The following CLYBL variants were observed in gnomAD, a reference collection of about 807,000 sequenced individuals.
CLYBL encodes the protein citramalyl-CoA lyase, mitochondrial.
CLYBL carries 31 observed loss-of-function variants against 38.9 expected under a neutral mutation model. The ratio of observed to expected loss-of-function variants is 0.80; its 90% CI spans 0.60 to 1.08. CLYBL has a LOEUF of 1.08. CLYBL is among the 50% of genes least tolerant of loss of function. CLYBL has a pLI of 0.00. For missense variants in CLYBL, 434 were observed against 411.6 expected, an observed-to-expected ratio of 1.05 and a Z score of -0.47; for synonymous variants, 171 against 158.6, an observed-to-expected ratio of 1.08 and a Z score of -0.59.
At chr13:99,640,339 T>C (rs2047075666) in intron 1 of CLYBL, among the ~76,000 whole-genome samples, 1 of 152,238 alleles carries the variant, frequency 6.6e-6, no homozygotes, top group Non-Finnish European at 1.5e-5. Flanking sequence ...CGTAAAATAT[T>C]ATCTTTAATG....
intron 7 of CLYBL, chr13:99,877,505 G>A (rs1249131104): frequency 6.2e-6 from 2 of 324,840 alleles, no homozygotes; most frequent in Non-Finnish European, 1.2e-5. Context: ...AATTACATTA[G>A]AGACTTTCAG....
At chr13:99,746,825 A>G (rs960223280) in intron 1 of CLYBL, among the ~76,000 whole-genome samples, 2 of 152,242 alleles carry the variant, frequency 1.3e-5, no homozygotes, top group African/African-American at 4.8e-5. Flanking sequence ...CTCTTTGGGT[A>G]GAGTCCTGAG....
At chr13:99,724,051 C>G (rs1332303758) in intron 1 of CLYBL, among the ~76,000 whole-genome samples, 1 of 152,134 alleles carries the variant, frequency 6.6e-6, no homozygotes, top group Non-Finnish European at 1.5e-5. Flanking sequence ...CTTTTGTTGT[C>G]TTTGTTTTTT....
intron 1 of CLYBL, among the ~76,000 whole-genome samples, chr13:99,625,799 C>CTCCCAGGCTCTGAG (rs2046861245): frequency 6.6e-6 from 1 of 152,214 alleles, no homozygotes; most frequent in Admixed American, 6.5e-5. Flanking sequence ...GGAGTCATGC[C>CTCCCAGGCTCTGAG]TCCCAGGCTC....
rs1352280882 is a variant in CLYBL at position 99,869,005 on chromosome 13, G to C, written c.803-1933G>C. Among the ~76,000 whole-genome samples the C allele has an allele frequency of 1.3e-5, 2 of 152,182 alleles. No individual in the cohort carries two copies. Among genetic ancestry groups the C allele is most frequent in the East Asian group, 3.9e-4 (2 of 5,178 alleles). ...ATAAATTTTAATGTCTTCCAATTTTGCACCCTCTCAGTAACTTGTCAATAA... is the reference window on the plus strand; with the variant it reads ...ATAAATTTTAATGTCTTCCAATTTTCCACCCTCTCAGTAACTTGTCAATAA... On this transcript the variant is annotated intron_variant, in intron 6 of 8. Transcript: ENST00000339105. The surrounding 1 kb of genome is among the most constrained non-coding windows in gnomAD (Gnocchi z 4.3).
At chr13:99,837,218 C>A (rs2050960053) in intron 2 of CLYBL, among the ~76,000 whole-genome samples, 1 of 152,096 alleles carries the variant, frequency 6.6e-6, no homozygotes, top group African/African-American at 2.4e-5. Flanking sequence ...GAGGCCAAGA[C>A]AGGAGGATCG....
chr13:99,769,249 A>G (rs1222768019), intron 1 of CLYBL, among the ~76,000 whole-genome samples: 1 of 152,206 alleles, frequency 6.6e-6, no homozygotes, highest in Non-Finnish European at 1.5e-5. Context: ...TAAGAGCTGA[A>G]GTTGACCAAA....
chr13:99,771,248 A>G (rs961664192), intron 1 of CLYBL, among the ~76,000 whole-genome samples: 7 of 151,972 alleles, frequency 4.6e-5, no homozygotes, highest in Non-Finnish European at 8.8e-5. Flanking sequence ...AGATTTTGCT[A>G]TGTTGCCCAG....
chr13:99,843,047 T>G (rs2051122107), intron 2 of CLYBL, among the ~76,000 whole-genome samples: 1 of 152,162 alleles, frequency 6.6e-6, no homozygotes. Context: ...ATGAGGAAAC[T>G]GAGGCACAGT....
chr13:99,770,698 C>T (rs1031501688), intron 1 of CLYBL, among the ~76,000 whole-genome samples: 4 of 151,798 alleles, frequency 2.6e-5, no homozygotes, highest in African/African-American at 9.7e-5. Flanking sequence ...GCCACTGCGC[C>T]CGGCCGGGTT....
At chr13:99,720,607 C>G (rs1259917526) in intron 1 of CLYBL, among the ~76,000 whole-genome samples, 4 of 152,108 alleles carry the variant, frequency 2.6e-5, no homozygotes, top group African/African-American at 9.7e-5. Context: ...GTTTATTTTG[C>G]CCTTCCTCTT....
intron 1 of CLYBL, among the ~76,000 whole-genome samples, chr13:99,645,837 A>T (rs1282657030): frequency 2.0e-5 from 3 of 152,070 alleles, no homozygotes; most frequent in Non-Finnish European, 4.4e-5. Context: ...TTTTAACTTG[A>T]CATGATTCCA....
chr13:99,808,437 A>G (rs1478014851), intron 2 of CLYBL, among the ~76,000 whole-genome samples: 1 of 152,134 alleles, frequency 6.6e-6, no homozygotes, highest in Non-Finnish European at 1.5e-5. Flanking sequence ...GCTGGAGAAG[A>G]TATCTGGCCC....
intron 1 of CLYBL, among the ~76,000 whole-genome samples, chr13:99,649,685 C>A (rs188867957): frequency 6.6e-6 from 1 of 151,726 alleles, no homozygotes; most frequent in African/African-American, 2.4e-5. Flanking sequence ...GGCAACAGAG[C>A]GAAACCCCAT....
At chr13:99,640,761 G>A (rs186953233) in intron 1 of CLYBL, among the ~76,000 whole-genome samples, 1 of 152,338 alleles carries the variant, frequency 6.6e-6, no homozygotes. Flanking sequence ...ATAACTTCAT[G>A]GGCAGTGCCC....
intron 1 of CLYBL, among the ~76,000 whole-genome samples, chr13:99,655,561 G>C (rs964654266): frequency 6.6e-6 from 1 of 152,230 alleles, no homozygotes; most frequent in Non-Finnish European, 1.5e-5. Flanking sequence ...GGCGCTACTA[G>C]GGGGTGTGCT....
intron 8 of CLYBL, among the ~76,000 whole-genome samples, chr13:99,904,604 A>G (rs7318415): frequency 0.52 from 79,580 of 152,116 alleles, 22,568 homozygotes; most frequent in African/African-American, 0.74. Context: ...TGGCTGTCCT[A>G]TAAATGTCAC....
chr13:99,823,111 C>A (rs1430356925), intron 2 of CLYBL, among the ~76,000 whole-genome samples: 1 of 152,174 alleles, frequency 6.6e-6, no homozygotes, highest in Non-Finnish European at 1.5e-5. Flanking sequence ...ACTGTTTTTC[C>A]TGAAGTTAAT....
At position 99,859,005 on chromosome 13, in the gene CLYBL, A is replaced by G; in HGVS notation, c.394A>G (p.Ser132Gly). ...TTTGCAATCCCGGGTCCTTCCTTCCAGCCTGATGCTACCAAAGGTGGAAAG... is the reference window on the plus strand; with the variant it reads ...TTTGCAATCCCGGGTCCTTCCTTCCGGCCTGATGCTACCAAAGGTGGAAAG... The part of the protein sequence containing the change: ...TLLQSRVLPS[S>G]LMLPKVESPE... Residue 132 changes from serine to glycine, a missense_variant, in exon 3 of 9, where the codon AGC (serine) becomes GGC (glycine). Physicochemically the swap from Ser to Gly is moderately conservative, Grantham distance 56 (BLOSUM62 0). Transcript: ENST00000339105. 3 of 1,614,046 alleles carry G rather than the reference A, an allele frequency of 1.9e-6. No individual in the cohort carries two copies. The highest frequency in any genetic ancestry group is 2.5e-6 in the Non-Finnish European group (3 of 1,179,982).
Sources: allele counts gnomAD v4.1 joint callset (sites outside exome capture counted in the v4.1 genomes callset), GRCh38; gene constraint gnomAD v4.1.1; non-coding constraint Gnocchi (gnomAD v3.1); transcripts MANE v1.5; gene names NCBI Gene and HGNC (gene_info 2026-07-23, HGNC 2026-07-21).